Variants in NINL observed in about 807,000 individuals in gnomAD.
NINL encodes the protein ninein-like protein.
NINL carries 153 observed loss-of-function variants against 160.3 expected under a neutral mutation model. The ratio of observed to expected loss-of-function variants is 0.95; its 90% CI spans 0.84 to 1.09. NINL has a LOEUF of 1.09. Among genes scored for constraint, NINL ranks in the 50% least tolerant of loss-of-function variants. The probability of loss-of-function intolerance (pLI) is 0.00; values close to 1 mark genes in which losing one functional copy is unlikely to be tolerated. For synonymous variants in NINL, 800 were observed against 734.8 expected (o/e 1.09, Z -1.43); for missense variants, 1,829 against 1,764.0 (o/e 1.04, Z -0.66).
At chr20:25,548,520 A>G (rs553701957) in intron 1 of NINL, among the ~76,000 whole-genome samples, 158 of 152,070 alleles carry the variant, frequency 1.0e-3, no homozygotes, top group Non-Finnish European at 1.7e-3. Flanking sequence ...CTCGGCACCC[A>G]TGGCCACAGC....
chr20:25,486,987 G>C (rs919388119), intron 13 of NINL, among the ~76,000 whole-genome samples: 1 of 152,134 alleles, frequency 6.6e-6, no homozygotes, highest in Admixed American at 6.5e-5. Flanking sequence ...ACTTAACAAT[G>C]ACCATCACAG....
intron 2 of NINL, among the ~76,000 whole-genome samples, chr20:25,523,303 G>A (rs1200101258): frequency 6.6e-6 from 1 of 151,894 alleles, no homozygotes; most frequent in Non-Finnish European, 1.5e-5. Flanking sequence ...CCAGGCTGGA[G>A]TGCAGTGACA....
At chr20:25,575,020 A>G (rs913101082) in intron 1 of NINL, among the ~76,000 whole-genome samples, 1 of 152,172 alleles carries the variant, frequency 6.6e-6, no homozygotes, top group African/African-American at 2.4e-5. Context: ...CTATCAAGCA[A>G]AGAAAAAAAA....
chr20:25,551,538 G>A (rs2064807647), intron 1 of NINL, among the ~76,000 whole-genome samples: 1 of 152,154 alleles, frequency 6.6e-6, no homozygotes, highest in Admixed American at 6.5e-5. Flanking sequence ...ACGCACCCAG[G>A]GAAAACACAA....
chr20:25,542,806 G>T (rs145156134), intron 1 of NINL, among the ~76,000 whole-genome samples: 1 of 142,628 alleles, frequency 7.0e-6, no homozygotes, highest in African/African-American at 2.6e-5. Context: ...TGAGGCGGGC[G>T]GATCATTTGA....
intron 22 of NINL, among the ~76,000 whole-genome samples, chr20:25,456,854 C>T (rs1439636243): frequency 6.6e-6 from 1 of 151,946 alleles, no homozygotes; most frequent in Non-Finnish European, 1.5e-5. Flanking sequence ...ATTGCTTGAA[C>T]CCAGGAGGTG....
At chr20:25,519,989 C>CAAAAAAAAAA (rs59160061) in intron 2 of NINL, among the ~76,000 whole-genome samples, 2 of 12,126 alleles carry the variant, frequency 1.6e-4, no homozygotes, top group Non-Finnish European at 2.1e-4. Flanking sequence ...GACCCCGTCT[C>CAAAAAAAAAA]AAAAAAAAAA....
chr20:25,476,457 C>A lies in NINL; in HGVS notation c.2834G>T (p.Gly945Val). Reference protein sequence around the residue: ...QPGARELPLLGTERDASQTQP... With the variant: ...QPGARELPLLVTERDASQTQP... ...GGTTTGCGAGGCGTCTCTCTCTGTTCCCAGCAGAGGCAGCTCCCGGGCTCC... is the reference window on the plus strand; with the variant it reads ...GGTTTGCGAGGCGTCTCTCTCTGTTACCAGCAGAGGCAGCTCCCGGGCTCC... Residue 945 changes from glycine to valine, a missense_variant, in exon 17 of 24, where the codon GGA (glycine) becomes GTA (valine). Physicochemically the swap from Gly to Val is moderately radical, Grantham distance 109. Transcript: ENST00000278886. The A allele has an allele frequency of 1.2e-6, 2 of 1,607,908 alleles. No homozygotes were observed. Among genetic ancestry groups the A allele is most frequent in the Non-Finnish European group, 8.5e-7 (1 of 1,179,808 alleles).
At chr20:25,498,056 A>G (rs2063793220) in intron 9 of NINL, among the ~76,000 whole-genome samples, 154 bp downstream of exon 9, 3 of 152,202 alleles carry the variant, frequency 2.0e-5, no homozygotes, top group Non-Finnish European at 4.4e-5. Flanking sequence ...GAGGGGCCAG[A>G]GAGCACGGGA....
chr20:25,492,686 T>G (rs545472189), intron 10 of NINL, among the ~76,000 whole-genome samples: 1 of 152,158 alleles, frequency 6.6e-6, no homozygotes, highest in Admixed American at 6.5e-5. Flanking sequence ...TCTCCTGACC[T>G]CGTGATCTGC....
intron 1 of NINL, among the ~76,000 whole-genome samples, chr20:25,568,934 A>T (rs944066250): frequency 6.9e-6 from 1 of 145,594 alleles, no homozygotes; most frequent in African/African-American, 2.5e-5. Context: ...TCTACAAAAT[A>T]TTTTTTTTTT....
At chr20:25,540,630 G>A (rs1371052953) in intron 1 of NINL, among the ~76,000 whole-genome samples, 1 of 152,098 alleles carries the variant, frequency 6.6e-6, no homozygotes, top group South Asian at 2.1e-4. Context: ...AATCCTGCTC[G>A]CCCAGAAAGA....
At chr20:25,493,009 C>G (rs748780966) in intron 10 of NINL, among the ~76,000 whole-genome samples, 2 of 152,146 alleles carry the variant, frequency 1.3e-5, no homozygotes, top group South Asian at 4.1e-4. Context: ...CTCAGGGCCA[C>G]GTGGGTTCTG....
intron 1 of NINL, among the ~76,000 whole-genome samples, chr20:25,578,567 G>A (rs1272185986): frequency 6.6e-6 from 1 of 152,040 alleles, no homozygotes; most frequent in Non-Finnish European, 1.5e-5. Context: ...GCTGAGGCAG[G>A]TGGATCATGA....
chr20:25,553,797 G>A (rs1236483263), intron 1 of NINL, among the ~76,000 whole-genome samples: 23 of 152,220 alleles, frequency 1.5e-4, no homozygotes, highest in Admixed American at 1.5e-3. Flanking sequence ...GGCCCATGGA[G>A]GTGACTCCGT....
chr20:25,520,788 T>C (rs1241892966), intron 2 of NINL, among the ~76,000 whole-genome samples: 2 of 152,254 alleles, frequency 1.3e-5, no homozygotes, highest in African/African-American at 4.8e-5. Context: ...TTTTAGGATA[T>C]GTCTTTTCTC....
chr20:25,539,943 C>T (rs957204017), intron 1 of NINL: 21 of 966,078 alleles, frequency 2.2e-5, no homozygotes, highest in Admixed American at 7.4e-5. Context: ...TGCGGGTTCC[C>T]GGGGGCTCCC....
chr20:25,496,016 C>T (rs1327674904), intron 10 of NINL, among the ~76,000 whole-genome samples: 2 of 152,028 alleles, frequency 1.3e-5, no homozygotes, highest in Non-Finnish European at 2.9e-5. Flanking sequence ...TGGTGGCAGG[C>T]GCCTGTTTAA....
At chr20:25,493,647 G>T (rs430595) in intron 10 of NINL, among the ~76,000 whole-genome samples, 4,118 of 152,166 alleles carry the variant, frequency 0.027, 180 homozygotes, top group African/African-American at 0.09. Flanking sequence ...GGGCCGGGGG[G>T]CATCTTTTGG....
Sources: allele counts gnomAD v4.1 joint callset (sites outside exome capture counted in the v4.1 genomes callset), GRCh38; gene constraint gnomAD v4.1.1; transcripts MANE v1.5; gene names NCBI Gene and HGNC (gene_info 2026-07-23, HGNC 2026-07-21).